KCNIP1: variants seen among roughly 807,000 people sequenced by gnomAD.
The protein encoded by KCNIP1 is A-type potassium channel modulatory protein KCNIP1.
A neutral mutation model predicts 33.0 loss-of-function variants in KCNIP1; 18 were observed. That is an observed-to-expected ratio of 0.55 (90% CI 0.38 to 0.81). KCNIP1 has a LOEUF of 0.81. Ranked by LOEUF, KCNIP1 falls within the 30% of genes least tolerant of loss-of-function variation. KCNIP1 has a pLI of 0.00. For synonymous variants in KCNIP1, 93 were observed against 98.3 expected (o/e 0.95, Z 0.32); for missense variants, 238 against 271.6 (o/e 0.88, Z 0.87).
At chr5:170,727,340 T>C (rs1023233792) in intron 5 of KCNIP1, among the ~76,000 whole-genome samples, 2 of 152,212 alleles carry the variant, frequency 1.3e-5, no homozygotes, top group Non-Finnish European at 2.9e-5. Flanking sequence ...TGAAGGGATG[T>C]CTTTTGGTTG....
intron 1 of KCNIP1, among the ~76,000 whole-genome samples, chr5:170,620,346 G>C (rs1315391377): frequency 6.6e-6 from 1 of 152,206 alleles, no homozygotes; most frequent in African/African-American, 2.4e-5. Context: ...TTCATCATTA[G>C]TACAGGAAAG....
intron 1 of KCNIP1, among the ~76,000 whole-genome samples, chr5:170,526,753 C>T (rs573118496): frequency 1.2e-4 from 17 of 144,328 alleles, no homozygotes; most frequent in African/African-American, 3.4e-4. Context: ...GACAGAATCG[C>T]GCTCTGTTGC....
intron 1 of KCNIP1, among the ~76,000 whole-genome samples, chr5:170,468,826 G>C (rs541987409): frequency 6.6e-6 from 1 of 151,724 alleles, no homozygotes; most frequent in African/African-American, 2.4e-5. Context: ...GCAGTGAGCC[G>C]AGATCGCGCC....
At chr5:170,361,987 C>G (rs544150546) in intron 1 of KCNIP1, among the ~76,000 whole-genome samples, 1 of 152,144 alleles carries the variant, frequency 6.6e-6, no homozygotes, top group Admixed American at 6.5e-5. Context: ...CTCTTCATCT[C>G]TAAAATGAAG....
intron 1 of KCNIP1, among the ~76,000 whole-genome samples, chr5:170,696,016 C>CAAAAAAAAAAAAAAAAAAAAA (rs34474795): frequency 1.1e-5 from 1 of 93,968 alleles, no homozygotes; most frequent in African/African-American, 3.7e-5. Flanking sequence ...GACTCTGTCT[C>CAAAAAAAAAAAAAAAAAAAAA]AAAAAAAAAA....
At chr5:170,632,649 T>C (rs1760098629) in intron 1 of KCNIP1, among the ~76,000 whole-genome samples, 1 of 152,204 alleles carries the variant, frequency 6.6e-6, no homozygotes, top group African/African-American at 2.4e-5. Context: ...GCTCCCTTCC[T>C]CGATTCCTAA....
In KCNIP1 at chr5:170,736,526, G is replaced by A. The variant is rs541728527; in HGVS notation, c.*720G>A. 6.6e-6 allele frequency: 1 copy of A among 152,354 alleles called. No individual in the cohort carries two copies. Among genetic ancestry groups the A allele is most frequent in the African/African-American group, 2.4e-5 (1 of 41,540 alleles). 9.4% of individuals were successfully genotyped at this position (152,354 alleles called of 1,614,324 possible). A position where few individuals can be genotyped will look rare whatever the true frequency, so the allele number is the denominator to read the frequency against. On this transcript the variant is annotated 3_prime_UTR_variant, in exon 8 of 8. Transcript: ENST00000328939. ...CATATCTCCACCACATCCCCTGCTTGAGCCCAGCGCTGCATGTCCCTCCCA... is the reference window on the plus strand; with the variant it reads ...CATATCTCCACCACATCCCCTGCTTAAGCCCAGCGCTGCATGTCCCTCCCA...
chr5:170,603,053 G>C (rs1332419383), intron 1 of KCNIP1, among the ~76,000 whole-genome samples: 1 of 152,248 alleles, frequency 6.6e-6, no homozygotes, highest in Non-Finnish European at 1.5e-5. Context: ...CCCAGCTAAG[G>C]CTGGTGCACA....
chr5:170,579,324 T>C (rs1467794092), intron 1 of KCNIP1, among the ~76,000 whole-genome samples: 3 of 152,144 alleles, frequency 2.0e-5, no homozygotes, highest in East Asian at 1.9e-4. Flanking sequence ...CTCCAGATAG[T>C]CTGATTTCAC....
Position 170,487,521 on chromosome 5 carries a change from C to CT in KCNIP1, c.88+133575dup, listed in dbSNP as rs35638864. On this transcript the variant is annotated intron_variant, in intron 1 of 7. Coordinates refer to the KCNIP1 transcript ENST00000377360. ...TCATCATCACGATATAGTCACGGAA[C>CT]TTTTTTTTTTTTTTTTTTAAGACAG... Among the ~76,000 whole-genome samples the CT allele has an allele frequency of 8.4e-3, 1,162 of 138,518 alleles. 16 individuals carry two copies. Among genetic ancestry groups the CT allele is most frequent in the African/African-American group, 0.023 (870 of 37,558 alleles). The allele number at this position is 138,518 out of a possible 152,430, so 90.9% of individuals were successfully genotyped here.
At chr5:170,385,489 A>G (rs771987507) in intron 1 of KCNIP1, 4 of 1,613,186 alleles carry the variant, frequency 2.5e-6, no homozygotes, top group South Asian at 1.1e-5. Context: ...CACAGAAGCA[A>G]ACAGAAGTGA....
At chr5:170,633,222 C>A (rs1022133170) in intron 1 of KCNIP1, among the ~76,000 whole-genome samples, 2 of 151,896 alleles carry the variant, frequency 1.3e-5, no homozygotes, top group African/African-American at 4.8e-5. Flanking sequence ...ACAGGCGGAG[C>A]GGGACCCTCC....
intron 1 of KCNIP1, among the ~76,000 whole-genome samples, chr5:170,703,056 C>A (rs1331527561): frequency 7.3e-6 from 1 of 137,738 alleles, no homozygotes; most frequent in Non-Finnish European, 1.5e-5. Context: ...ACCTATAGGT[C>A]TGTTCCATTC....
intron 1 of KCNIP1, among the ~76,000 whole-genome samples, chr5:170,460,053 T>G (rs1236719271): frequency 6.6e-6 from 1 of 152,138 alleles, no homozygotes; most frequent in African/African-American, 2.4e-5. Flanking sequence ...TCAAGGCTAC[T>G]CTGAACACCT....
chr5:170,554,749 ACT>A (rs1756779766), intron 1 of KCNIP1, among the ~76,000 whole-genome samples: 1 of 151,742 alleles, frequency 6.6e-6, no homozygotes, highest in African/African-American at 2.4e-5. Flanking sequence ...GCCTCCTTTG[ACT>A]CTGTTTATCG....
chr5:170,729,470 A>C (rs1354376513), intron 5 of KCNIP1, among the ~76,000 whole-genome samples: 1 of 152,106 alleles, frequency 6.6e-6, no homozygotes, highest in African/African-American at 2.4e-5. Flanking sequence ...ATGCGTAAAA[A>C]TACCTTTAAA....
chr5:170,662,603 G>C (rs138136966), intron 1 of KCNIP1, among the ~76,000 whole-genome samples: 1 of 152,122 alleles, frequency 6.6e-6, no homozygotes, highest in Admixed American at 6.5e-5. Flanking sequence ...ACCTCCCCAG[G>C]CTACATCCAG....
At chr5:170,408,785 A>T (rs1416700393) in intron 1 of KCNIP1, among the ~76,000 whole-genome samples, 1 of 152,200 alleles carries the variant, frequency 6.6e-6, no homozygotes, top group Non-Finnish European at 1.5e-5. Context: ...ACCTTAGCTG[A>T]AAAGAAAAAA....
intron 1 of KCNIP1, among the ~76,000 whole-genome samples, chr5:170,677,818 G>T (rs1762201742): frequency 6.6e-6 from 1 of 151,470 alleles, no homozygotes; most frequent in South Asian, 2.1e-4. Context: ...AAGGCAAATG[G>T]ACCTAAGGGG....
Sources: allele counts gnomAD v4.1 joint callset (sites outside exome capture counted in the v4.1 genomes callset), GRCh38; gene constraint gnomAD v4.1.1; transcripts MANE v1.5; gene names NCBI Gene and HGNC (gene_info 2026-07-23, HGNC 2026-07-21).